The following ANK3 variants were observed in gnomAD, a reference collection of about 807,000 sequenced individuals.
ANK3 encodes the protein ankyrin 3.
In ANK3, 57 loss-of-function variants were observed where a neutral mutation model predicts 370.9. That is an observed-to-expected ratio of 0.15 (90% confidence interval 0.12 to 0.19). The LOEUF (loss-of-function observed/expected upper bound fraction) is 0.19. Ranked by LOEUF, ANK3 falls within the 10% of genes least tolerant of loss-of-function variation. The pLI is 1.00. For missense variants in ANK3, 4,439 were observed against 5,302.1 expected, an observed-to-expected ratio of 0.84 and a Z score of 5.06; for synonymous variants, 1,929 against 1,946.3, an observed-to-expected ratio of 0.99 and a Z score of 0.23.
chr10:60,456,542 G>T (rs1055551333), intron 2 of ANK3, among the ~76,000 whole-genome samples: 7 of 152,090 alleles, frequency 4.6e-5, no homozygotes, highest in Non-Finnish European at 4.4e-5. Context: ...CAGCAATGAC[G>T]CTATAATAAC....
At chr10:60,666,322 C>T (rs185002439) in intron 1 of ANK3, among the ~76,000 whole-genome samples, 2 of 152,090 alleles carry the variant, frequency 1.3e-5, no homozygotes, top group African/African-American at 2.4e-5. Context: ...CTGTATGACT[C>T]CACTTATATG....
At position 60,050,150 on chromosome 10, in the gene ANK3, T is replaced by C. The variant is rs546691491; in HGVS notation, c.13065+5508A>G. ...TTCCCCCACCCCAACCCAGAGAACA[T>C]GTGTGAGGTGACTGATTATGAGGAT... is the stretch of plus-strand genomic sequence containing the variant. On this transcript the variant is annotated intron_variant, in intron 42 of 43. Transcript: ENST00000280772. Among the ~76,000 whole-genome samples, 8 of 152,160 alleles carry C rather than the reference T, an allele frequency of 5.3e-5. No individual in the cohort carries two copies. The South Asian group carries it at 8.3e-4, about 16-fold the overall frequency.
At chr10:60,155,919 A>AT (rs1478603064) in intron 23 of ANK3, among the ~76,000 whole-genome samples, 1 of 152,132 alleles carries the variant, frequency 6.6e-6, no homozygotes, top group Non-Finnish European at 1.5e-5. Context: ...AGGCTGCACT[A>AT]TTGGTTTTCC....
rs765719436 is a variant in ANK3 at position 60,075,422 on chromosome 10, A to G, written c.5459T>C (p.Ile1820Thr). Reference sequence around the variant, plus strand: ...GACTACAGAGTATACTGGCACTGTTATAATTGATGAAGTTACAGATGAGGT... The same window carrying G: ...GACTACAGAGTATACTGGCACTGTTGTAATTGATGAAGTTACAGATGAGGT... ...ATTSSVTSSI[I>T]TVPVYSVVNV... Residue 1820 changes from isoleucine to threonine, a missense_variant, in exon 37 of 44, where the codon ATA becomes ACA. By Grantham distance (89) the Ile-to-Thr change is moderately conservative. Around this residue, in one of 13 missense-constraint regions of ANK3, gnomAD observed 679 missense variants for 791.0 expected, o/e 0.86. Transcript: ENST00000280772. The G allele has an allele frequency of 1.2e-6, 2 of 1,613,424 alleles. No homozygotes were observed. Among genetic ancestry groups the G allele is most frequent in the South Asian group, 2.2e-5 (2 of 91,082 alleles).
intron 2 of ANK3, among the ~76,000 whole-genome samples, chr10:60,524,808 G>A (rs1036247909): frequency 6.6e-6 from 1 of 151,966 alleles, no homozygotes; most frequent in African/African-American, 2.4e-5. Context: ...AAACTCCCAC[G>A]ACGACACATG....
intron 23 of ANK3, among the ~76,000 whole-genome samples, chr10:60,164,587 A>G (rs983672066): frequency 6.6e-6 from 1 of 152,208 alleles, no homozygotes; most frequent in Non-Finnish European, 1.5e-5. Context: ...AAAATACTAC[A>G]TAGAATGTAG....
chr10:60,395,559 T>TCTTC (rs1491392539), intron 2 of ANK3, among the ~76,000 whole-genome samples: 1 of 79,160 alleles, frequency 1.3e-5, no homozygotes, highest in East Asian at 3.0e-4. Flanking sequence ...CCTCTTTCTT[T>TCTTC]CTTTCTTTCT....
At chr10:60,603,348 T>A (rs1017406056) in intron 2 of ANK3, among the ~76,000 whole-genome samples, 1 of 152,074 alleles carries the variant, frequency 6.6e-6, no homozygotes, top group African/African-American at 2.4e-5. Flanking sequence ...TTGAATCACA[T>A]TTTCCTAAAA....
At chr10:60,673,850 G>A (rs74155663) in intron 1 of ANK3, among the ~76,000 whole-genome samples, 7,990 of 152,208 alleles carry the variant, frequency 0.052, 292 homozygotes, top group African/African-American at 0.088. Flanking sequence ...ATTCAGAGGA[G>A]TAGTCCAATT....
intron 2 of ANK3, among the ~76,000 whole-genome samples, chr10:60,417,861 A>G (rs2063700541): frequency 1.3e-5 from 2 of 152,190 alleles, no homozygotes; most frequent in African/African-American, 4.8e-5. Context: ...TAGACACACT[A>G]TCAAGATAAT....
intron 25 of ANK3, among the ~76,000 whole-genome samples, chr10:60,114,940 G>A (rs1176056193): frequency 3.9e-5 from 6 of 152,174 alleles, no homozygotes; most frequent in Admixed American, 3.9e-4. Context: ...AGTGCAAACA[G>A]ATTTGTACTT....
chr10:60,575,288 G>T (rs79324354), intron 2 of ANK3, among the ~76,000 whole-genome samples: 3 of 151,836 alleles, frequency 2.0e-5, no homozygotes, highest in Non-Finnish European at 4.4e-5. Context: ...GTATTCATTT[G>T]TATATGTAAG....
At chr10:60,642,622 A>G (rs886675926) in intron 1 of ANK3, among the ~76,000 whole-genome samples, 51 of 104,916 alleles carry the variant, frequency 4.9e-4, no homozygotes, top group Non-Finnish European at 6.4e-4. Context: ...TCACACTCTG[A>G]GGACTGTTGT....
At chr10:60,251,159 T>C (rs574931638) in intron 7 of ANK3, among the ~76,000 whole-genome samples, 20 of 152,222 alleles carry the variant, frequency 1.3e-4, no homozygotes, top group Non-Finnish European at 2.8e-4. Flanking sequence ...CAGTGATACA[T>C]GAAAGCTATT....
At position 60,272,407 on chromosome 10, in the gene ANK3, C is replaced by T. The variant is rs551431653; in HGVS notation, c.415-2178G>A. ...ATCTTCCCTCATCAAGTGCTCTCTCCGAAAGCTGAAACTTCCAGAGGGCAG... is the reference window on the plus strand; with the variant it reads ...ATCTTCCCTCATCAAGTGCTCTCTCTGAAAGCTGAAACTTCCAGAGGGCAG... On this transcript the variant is annotated intron_variant, in intron 4 of 43. Transcript: ENST00000280772. 3.9e-5 allele frequency among the ~76,000 whole-genome samples: 6 copies of T among 152,150 alleles called. No individual in the cohort carries two copies. The South Asian group carries it at 8.3e-4, about 21-fold the overall frequency.
At chr10:60,707,716 T>C (rs2079640341) in intron 1 of ANK3, among the ~76,000 whole-genome samples, 2 of 152,058 alleles carry the variant, frequency 1.3e-5, no homozygotes, top group South Asian at 4.1e-4. Flanking sequence ...TTATGAGTTT[T>C]TTTAAGCTGG....
intron 2 of ANK3, among the ~76,000 whole-genome samples, chr10:60,546,721 CA>C (rs1394721621): frequency 6.6e-6 from 1 of 152,026 alleles, no homozygotes; most frequent in Non-Finnish European, 1.5e-5. Context: ...AGAGGAAAAA[CA>C]ATAATTACAT....
chr10:60,086,628 A>T (rs769991898), intron 30 of ANK3, 49 bp downstream of exon 30: 1 of 1,479,668 alleles, frequency 6.8e-7, no homozygotes, highest in Non-Finnish European at 9.3e-7. Context: ...ATATCTTTGT[A>T]CACAATCTTT....
intron 35 of ANK3, chr10:60,081,914 C>T (rs1423780982): frequency 1.3e-5 from 5 of 384,316 alleles, no homozygotes; most frequent in Non-Finnish European, 2.3e-5. Context: ...GTTTAAAGAC[C>T]TTCAGTTTCT....
Sources: gnomAD v4.1 joint callset for allele counts (sites outside exome capture counted in the v4.1 genomes callset) on GRCh38, gnomAD v4.1.1 for gene constraint, gnomAD v4.1.1 regional missense constraint, MANE v1.5 for transcripts, NCBI Gene and HGNC (gene_info 2026-07-23, HGNC 2026-07-21) for gene names.